The following TRERF1 variants were observed in gnomAD, a reference collection of about 807,000 sequenced individuals.
TRERF1 encodes transcriptional regulating factor 1, also known as transcriptional-regulating factor 1.
TRERF1 carries 27 observed loss-of-function variants against 122.9 expected under a neutral mutation model. The observed-to-expected ratio is 0.22, with a 90% CI of 0.16 to 0.30. TRERF1 has a LOEUF of 0.30. Among genes scored for constraint, TRERF1 ranks in the 10% least tolerant of loss-of-function variants. The probability of loss-of-function intolerance (pLI) is 1.00; values close to 1 mark genes in which losing one functional copy is unlikely to be tolerated. For synonymous variants in TRERF1, 636 were observed against 641.7 expected (o/e 0.99, Z 0.13); for missense variants, 1,248 against 1,560.3 (o/e 0.80, Z 3.37).
At chr6:42,239,272 T>C (rs1773064318) in intron 15 of TRERF1, among the ~76,000 whole-genome samples, 1 of 152,188 alleles carries the variant, frequency 6.6e-6, no homozygotes. Context: ...ACTGCCTCAG[T>C]TGGTTTCTTG....
chr6:42,382,929 G>C (rs77482888), intron 2 of TRERF1, among the ~76,000 whole-genome samples: 3 of 152,090 alleles, frequency 2.0e-5, no homozygotes, highest in Admixed American at 6.5e-5. Flanking sequence ...TTGGGGCTTG[G>C]GGGGTGGGGT....
intron 4 of TRERF1, among the ~76,000 whole-genome samples, chr6:42,289,292 C>T (rs1283591854): frequency 2.6e-5 from 4 of 151,382 alleles, no homozygotes; most frequent in Non-Finnish European, 5.9e-5. Flanking sequence ...TGCCACTGCG[C>T]TCCAGCCCAG....
intron 2 of TRERF1, among the ~76,000 whole-genome samples, chr6:42,376,732 G>A (rs983247880): frequency 2.0e-5 from 3 of 151,046 alleles, no homozygotes; most frequent in South Asian, 2.1e-4. Context: ...TAGTAGAGAC[G>A]GGGTTTCACC....
intron 2 of TRERF1, among the ~76,000 whole-genome samples, chr6:42,400,304 A>G (rs770657402): frequency 1.3e-5 from 2 of 152,240 alleles, no homozygotes; most frequent in Non-Finnish European, 2.9e-5. Context: ...CCCAAATGAC[A>G]GCTGATGACA....
At chr6:42,230,369 A>C (rs1439813395) in intron 17 of TRERF1, among the ~76,000 whole-genome samples, 1 of 152,194 alleles carries the variant, frequency 6.6e-6, no homozygotes, top group Non-Finnish European at 1.5e-5. Flanking sequence ...CAAAAAAAAA[A>C]ACATTTAATA....
intron 3 of TRERF1, among the ~76,000 whole-genome samples, chr6:42,339,326 G>A (rs150946832): frequency 3.9e-3 from 590 of 152,260 alleles, no homozygotes; most frequent in Non-Finnish European, 6.3e-3. Context: ...CCTATTTACT[G>A]TTTCCATCAG....
intron 2 of TRERF1, among the ~76,000 whole-genome samples, chr6:42,375,300 T>C (rs1315007032): frequency 1.3e-5 from 2 of 152,172 alleles, no homozygotes; most frequent in Non-Finnish European, 2.9e-5. Context: ...TCCTGCAGAA[T>C]TGGATACTCC....
intron 3 of TRERF1, among the ~76,000 whole-genome samples, chr6:42,352,359 C>A (rs1322324716): frequency 6.6e-6 from 1 of 152,170 alleles, no homozygotes; most frequent in Admixed American, 6.5e-5. Flanking sequence ...CACAGAAAAA[C>A]TACTGAAAGG....
intron 2 of TRERF1, among the ~76,000 whole-genome samples, chr6:42,411,632 C>A (rs1163730014): frequency 6.6e-6 from 1 of 152,156 alleles, no homozygotes; most frequent in East Asian, 1.9e-4. Flanking sequence ...CCAGACATGA[C>A]TATAAGACCT....
intron 13 of TRERF1, among the ~76,000 whole-genome samples, chr6:42,247,773 C>T (rs1227699373): frequency 6.6e-6 from 1 of 152,218 alleles, no homozygotes; most frequent in African/African-American, 2.4e-5. Context: ...TCTAGGGAAG[C>T]TTCCACCACT....
chr6:42,326,907 A>G (rs911426828), intron 3 of TRERF1, among the ~76,000 whole-genome samples: 4 of 152,200 alleles, frequency 2.6e-5, no homozygotes, highest in Non-Finnish European at 4.4e-5. Context: ...CTTCCAAACA[A>G]TATAACCAAC....
At chr6:42,353,918 ATATATTTGC>A (rs1332153295) in intron 3 of TRERF1, among the ~76,000 whole-genome samples, 3 of 152,256 alleles carry the variant, frequency 2.0e-5, no homozygotes, top group Non-Finnish European at 4.4e-5. Context: ...TTCTGGAATT[ATATATTTGC>A]TATATTTTAT....
At chr6:42,271,596 C>A (rs903440959) in intron 4 of TRERF1, among the ~76,000 whole-genome samples, 51 of 151,186 alleles carry the variant, frequency 3.4e-4, no homozygotes, top group African/African-American at 1.2e-3. Context: ...TAAAAAGTCA[C>A]CCCCCCCAAA....
At chr6:42,338,183 A>G (rs1766570389) in intron 3 of TRERF1, among the ~76,000 whole-genome samples, 1 of 152,202 alleles carries the variant, frequency 6.6e-6, no homozygotes. Flanking sequence ...CAAACGACCA[A>G]AAGCAGCACT....
chr6:42,288,823 GGA>G (rs1250949549), intron 4 of TRERF1, among the ~76,000 whole-genome samples: 1 of 152,032 alleles, frequency 6.6e-6, no homozygotes, highest in Non-Finnish European at 1.5e-5. Flanking sequence ...CTGAAATGGA[GGA>G]AAAAGGAACA....
At chr6:42,389,464 T>C (rs2151227136) in intron 2 of TRERF1, among the ~76,000 whole-genome samples, 1 of 152,332 alleles carries the variant, frequency 6.6e-6, no homozygotes, top group East Asian at 1.9e-4. Context: ...TCACTTTGGG[T>C]CACTGCTGGA....
At position 42,228,528 on chromosome 6, in the gene TRERF1, C is replaced by T; in HGVS notation, c.3420G>A (p.Gly1140=). The stretch of plus-strand genomic sequence containing the variant: ...GGTCCAGGGGCAGCAGCCCCGGCGC[C>T]CCCACGGGCCCCGTAGTCCTCTCAA... The change falls in exon 18 of 18, where the codon GGG becomes GGA. Residue 1140 remains glycine (G), a synonymous_variant. Coordinates refer to ENST00000372922, the Ensembl canonical transcript of TRERF1. The surrounding 1 kb of genome is among the most constrained non-coding windows in gnomAD (Gnocchi z 4.2). 5.0e-6 allele frequency: 8 copies of T among 1,614,184 alleles called. No homozygotes were observed. Among genetic ancestry groups the T allele is most frequent in the Non-Finnish European group, 6.8e-6 (8 of 1,180,042 alleles).
intron 2 of TRERF1, among the ~76,000 whole-genome samples, chr6:42,439,149 A>T (rs1358201041): frequency 1.3e-5 from 2 of 152,184 alleles, no homozygotes; most frequent in Non-Finnish European, 2.9e-5. Context: ...CTGTGTTTCC[A>T]ACACTTTCCT....
At chr6:42,357,061 T>A (rs1258221143) in intron 3 of TRERF1, among the ~76,000 whole-genome samples, 1 of 151,942 alleles carries the variant, frequency 6.6e-6, no homozygotes, top group South Asian at 2.1e-4. Flanking sequence ...CTGGGTGCGG[T>A]GACTCACGCC....
Sources: allele counts gnomAD v4.1 joint callset (sites outside exome capture counted in the v4.1 genomes callset), GRCh38; gene constraint gnomAD v4.1.1; non-coding constraint Gnocchi (gnomAD v3.1); transcripts MANE v1.5; gene names NCBI Gene and HGNC (gene_info 2026-07-23, HGNC 2026-07-21).